GRM7: variants seen among roughly 807,000 people sequenced by gnomAD.
GRM7 encodes glutamate metabotropic receptor 7, also known as metabotropic glutamate receptor 7.
GRM7 carries 35 observed loss-of-function variants against 84.5 expected under a neutral mutation model. That is an observed-to-expected ratio of 0.41 (90% CI 0.32 to 0.55). The LOEUF (loss-of-function observed/expected upper bound fraction) is 0.55. GRM7 is among the 20% of genes least tolerant of loss of function. The pLI is 0.19. For synonymous variants in GRM7, 487 were observed against 455.1 expected (o/e 1.07, Z -0.89); for missense variants, 1,003 against 1,194.6 (o/e 0.84, Z 2.36).
At chr3:7,540,300 T>C (rs1692801580) in intron 7 of GRM7, among the ~76,000 whole-genome samples, 1 of 152,200 alleles carries the variant, frequency 6.6e-6, no homozygotes, top group Non-Finnish European at 1.5e-5. Flanking sequence ...GCACCATTAT[T>C]TATAATAGCC....
In GRM7 at chr3:7,188,460, C is replaced by A. The variant is rs891265967; in HGVS notation, c.736+41792C>A. 1.3e-5 allele frequency among the ~76,000 whole-genome samples: 2 copies of A among 151,986 alleles called. No homozygotes were observed. The highest frequency in any genetic ancestry group is 6.6e-5 in the Admixed American group (1 of 15,248). ...TGCTCCAGTGAAAATATTTTTAAAG[C>A]ATTTTAAAGAAAGTAATTTGAAAAG... On this transcript the variant is annotated intron_variant, in intron 2 of 9. Coordinates refer to ENST00000357716, the MANE Select transcript of GRM7 (RefSeq NM_000844.4). This position sits in a 1 kb window ranked among gnomAD's most constrained non-coding sequence, Gnocchi z 4.2.
chr3:7,179,755 T>C (rs1486418103), intron 2 of GRM7, among the ~76,000 whole-genome samples: 1 of 152,214 alleles, frequency 6.6e-6, no homozygotes, highest in Non-Finnish European at 1.5e-5. Flanking sequence ...TCTTAAACTT[T>C]GTACATGCCA....
At chr3:6,994,576 G>C (rs1381007950) in intron 1 of GRM7, among the ~76,000 whole-genome samples, 1 of 152,138 alleles carries the variant, frequency 6.6e-6, no homozygotes, top group Non-Finnish European at 1.5e-5. Flanking sequence ...GCTGGTTTTT[G>C]TTGTTGAATT....
chr3:7,148,191 T>G (rs1448487218), intron 2 of GRM7, among the ~76,000 whole-genome samples: 1 of 152,188 alleles, frequency 6.6e-6, no homozygotes, highest in Non-Finnish European at 1.5e-5. Flanking sequence ...CTAATCATTT[T>G]TGATGACTAT....
At chr3:6,927,463 GAGAAAGAAAGAA>G (rs796767040) in intron 1 of GRM7, among the ~76,000 whole-genome samples, 246 of 93,288 alleles carry the variant, frequency 2.6e-3, no homozygotes, top group South Asian at 0.02. Flanking sequence ...GAAAGAGAGA[GAGAAAGAAAGAA>G]AGAAAGAAAG....
At chr3:6,878,378 CGTGTGTGTGTGTGTGT>C (rs34132725) in intron 1 of GRM7, among the ~76,000 whole-genome samples, 66 of 142,054 alleles carry the variant, frequency 4.6e-4, no homozygotes, top group Middle Eastern at 3.6e-3. Flanking sequence ...TATGTGTTTG[CGTGTGTGTGTGTGTGT>C]GTGTGTGTGT....
chr3:7,421,742 T>A (rs903972214), intron 5 of GRM7, among the ~76,000 whole-genome samples: 5 of 152,010 alleles, frequency 3.3e-5, no homozygotes, highest in Non-Finnish European at 4.4e-5. Context: ...GTGGTTTTGA[T>A]GACTCCAGGT....
chr3:7,707,773 T>A (rs897133080), intron 9 of GRM7, among the ~76,000 whole-genome samples: 8 of 152,258 alleles, frequency 5.3e-5, no homozygotes, highest in Non-Finnish European at 1.0e-4. Context: ...CTTTGTCTTT[T>A]CTTTAACTAT....
intron 1 of GRM7, among the ~76,000 whole-genome samples, chr3:6,911,296 A>G (rs1192805784): frequency 1.3e-5 from 2 of 152,224 alleles, no homozygotes; most frequent in African/African-American, 4.8e-5. Flanking sequence ...TTCTTTTGCC[A>G]TTCCCTTAAA....
chr3:7,203,567 A>C (rs1696136996), intron 2 of GRM7, among the ~76,000 whole-genome samples: 1 of 152,194 alleles, frequency 6.6e-6, no homozygotes, highest in South Asian at 2.1e-4. Context: ...GAGTGTGGGC[A>C]TCATTTTTAT....
At chr3:7,268,387 T>A (rs1003970940) in intron 2 of GRM7, among the ~76,000 whole-genome samples, 7 of 151,748 alleles carry the variant, frequency 4.6e-5, no homozygotes, top group African/African-American at 1.5e-4. Flanking sequence ...GTCCAGGTGG[T>A]CAAGGCTGCA....
chr3:6,934,061 T>C (rs1697601544), intron 1 of GRM7, among the ~76,000 whole-genome samples: 1 of 152,154 alleles, frequency 6.6e-6, no homozygotes, highest in African/African-American at 2.4e-5. Flanking sequence ...CTCATGAGTA[T>C]GGGGAGGTTC....
At position 6,919,626 on chromosome 3, in the gene GRM7, CAGAA is replaced by C. The variant is rs1399509913; in HGVS notation, c.519+57720_519+57723del. ...TTTTTTCCTCTGCAGCCAGGCAAAA[CAGAA>C]TCTGAAGAAAACACTTTAAAATTTT... On this transcript the variant is annotated intron_variant, in intron 1 of 9. Transcript: ENST00000357716. 4.0e-5 allele frequency among the ~76,000 whole-genome samples: 6 copies of C among 149,324 alleles called. No homozygotes were observed. The South Asian group carries it at 6.3e-4, about 16-fold the overall frequency.
intron 3 of GRM7, among the ~76,000 whole-genome samples, chr3:7,300,705 A>G (rs74344750): frequency 0.012 from 1,895 of 152,046 alleles, 24 homozygotes; most frequent in Non-Finnish European, 0.017. Flanking sequence ...CCTCAATGCT[A>G]TCTCTAGTGC....
chr3:7,365,686 CAT>C (rs1468124611), intron 4 of GRM7, among the ~76,000 whole-genome samples: 2 of 146,582 alleles, frequency 1.4e-5, no homozygotes, highest in African/African-American at 5.0e-5. Flanking sequence ...CACACACACA[CAT>C]ATATATACAC....
chr3:7,713,124 GTTTTTTT>G (rs5846535), intron 9 of GRM7, among the ~76,000 whole-genome samples: 1 of 97,124 alleles, frequency 1.0e-5, no homozygotes, highest in Non-Finnish European at 2.2e-5. Flanking sequence ...ATTTTGTTTT[GTTTTTTT>G]TTTTTTTTTT....
At chr3:7,595,888 T>A (rs1003443021) in intron 8 of GRM7, among the ~76,000 whole-genome samples, 2 of 151,542 alleles carry the variant, frequency 1.3e-5, no homozygotes, top group Non-Finnish European at 2.9e-5. Context: ...GAGGGGAAAT[T>A]TCAGTTTTAT....
At chr3:7,278,835 T>C (rs1699162059) in intron 2 of GRM7, among the ~76,000 whole-genome samples, 2 of 152,176 alleles carry the variant, frequency 1.3e-5, no homozygotes, top group South Asian at 2.1e-4. Context: ...AATGGATAGA[T>C]ACAAACTAAG....
chr3:7,672,469 C>T (rs894341751), intron 8 of GRM7, among the ~76,000 whole-genome samples: 3 of 152,176 alleles, frequency 2.0e-5, no homozygotes, highest in Non-Finnish European at 4.4e-5. Context: ...AATTGTGAAA[C>T]TTCTCTGATC....
Sources: gnomAD v4.1 joint callset for allele counts (sites outside exome capture counted in the v4.1 genomes callset) on GRCh38, gnomAD v4.1.1 for gene constraint, Gnocchi (gnomAD v3.1) non-coding constraint, MANE v1.5 for transcripts, NCBI Gene and HGNC (gene_info 2026-07-23, HGNC 2026-07-21) for gene names.